The following PACRG variants were observed in gnomAD, a reference collection of about 807,000 sequenced individuals.
PACRG encodes the protein parkin coregulated gene protein.
In PACRG, 29 loss-of-function variants were observed where a neutral mutation model predicts 29.7. That is an observed-to-expected ratio of 0.98 (90% CI 0.73 to 1.33). The LOEUF is 1.33. PACRG is among the 40% of genes most tolerant of loss of function. PACRG has a pLI of 0.00. For synonymous variants in PACRG, 116 were observed against 118.7 expected (o/e 0.98, Z 0.15); for missense variants, 279 against 316.2 (o/e 0.88, Z 0.89).
rs577711932 is a variant in PACRG at position 162,818,752 on chromosome 6, G to A, written c.291+4471G>A. Reference sequence around the variant, plus strand: ...ACAGGTCATCTTTCTCCATGATAACGTGCTACGTGACAGAATATGACATGC... The same window carrying A: ...ACAGGTCATCTTTCTCCATGATAACATGCTACGTGACAGAATATGACATGC... On this transcript the variant is annotated intron_variant, in intron 2 of 4. Coordinates refer to ENST00000366888, the MANE Select transcript of PACRG (RefSeq NM_001080379.2). 2.0e-5 allele frequency among the ~76,000 whole-genome samples: 3 copies of A among 152,184 alleles called. No individual in the cohort carries two copies. The East Asian group carries it at 5.8e-4, about 29-fold the overall frequency.
chr6:162,885,491 G>A (rs369870139), intron 2 of PACRG, among the ~76,000 whole-genome samples: 1 of 149,898 alleles, frequency 6.7e-6, no homozygotes. Flanking sequence ...TGTTGATCTC[G>A]AACTCCTGAC....
chr6:162,842,121 G>A (rs1294064276), intron 2 of PACRG, among the ~76,000 whole-genome samples: 1 of 150,286 alleles, frequency 6.7e-6, no homozygotes, highest in East Asian at 2.0e-4. Context: ...TCCGCTTGGT[G>A]CAGAGCTGAG....
At chr6:163,113,323 T>C (rs1815812601) in intron 4 of PACRG, among the ~76,000 whole-genome samples, 1 of 152,206 alleles carries the variant, frequency 6.6e-6, no homozygotes, top group South Asian at 2.1e-4. Context: ...GAGAAAGCGG[T>C]AGAGAAGTTA....
Position 162,814,256 on chromosome 6 carries a change from C to A in PACRG, c.266C>A (p.Ser89Ter), listed in dbSNP as rs538821670. 1.6e-5 allele frequency: 26 copies of A among 1,613,430 alleles called. No homozygotes were observed. Among genetic ancestry groups the A allele is most frequent in the Non-Finnish European group, 2.1e-5 (25 of 1,179,706 alleles). ...GDFPIALEHDSKGNKIAWKVE... is the reference protein window; with the variant it reads ...GDFPIALEHD ...TTCCCAATTGCCCTTGAGCATGATT[C>A]GAAAGGAAACAAAATCGCCTGGAAG... Residue 89 changes from serine (S) to a stop codon, truncating the protein, a stop_gained, in exon 2 of 5, where the codon TCG (serine) becomes TAG (stop). Transcript: ENST00000366888. LOFTEE classifies it high-confidence loss of function.
At chr6:163,153,933 G>A (rs1475078078) in intron 4 of PACRG, among the ~76,000 whole-genome samples, 1 of 152,222 alleles carries the variant, frequency 6.6e-6, no homozygotes, top group Non-Finnish European at 1.5e-5. Flanking sequence ...GAAGAAAGCA[G>A]TGATTCCCAG....
In PACRG at chr6:163,045,452, G is replaced by A. The variant is rs1809237080; in HGVS notation, c.292-16698G>A. Among the ~76,000 whole-genome samples, 3 of 151,950 alleles carry A rather than the reference G, an allele frequency of 2.0e-5. No individual in the cohort carries two copies. The South Asian group carries it at 6.2e-4, about 31-fold the overall frequency. The stretch of plus-strand genomic sequence containing the variant: ...CCATTCTTCTGCCTCAGGCTCCCAA[G>A]TAGCTGGGATTACAGGCGCCCGTCA... On this transcript the variant is annotated intron_variant, in intron 2 of 4. Coordinates refer to ENST00000366888, the MANE Select transcript of PACRG (RefSeq NM_001080379.2).
chr6:163,211,810 G>A (rs1781154088), intron 4 of PACRG, among the ~76,000 whole-genome samples: 1 of 152,208 alleles, frequency 6.6e-6, no homozygotes, highest in Non-Finnish European at 1.5e-5. Flanking sequence ...ATGAGGGTAT[G>A]AGGGGAGGGT....
At chr6:163,257,446 C>A (rs549278888) in intron 4 of PACRG, among the ~76,000 whole-genome samples, 1 of 152,248 alleles carries the variant, frequency 6.6e-6, no homozygotes, top group African/African-American at 2.4e-5. Context: ...AGACTAATTA[C>A]GTAAGACACA....
chr6:163,008,498 G>A (rs1398813593), intron 2 of PACRG, among the ~76,000 whole-genome samples: 1 of 151,614 alleles, frequency 6.6e-6, no homozygotes, highest in African/African-American at 2.4e-5. Flanking sequence ...CCTCTCAGTA[G>A]GAGATCCCTT....
At chr6:163,113,141 G>A (rs1463953094) in intron 4 of PACRG, among the ~76,000 whole-genome samples, 2 of 152,172 alleles carry the variant, frequency 1.3e-5, no homozygotes, top group Non-Finnish European at 2.9e-5. Flanking sequence ...GCATGTTAGA[G>A]TGGACAGAAA....
In PACRG at chr6:163,162,349, G is replaced by A. The variant is rs186532869; in HGVS notation, c.613+72941G>A. The stretch of plus-strand genomic sequence containing the variant: ...CCTTGGTTCTCAATCCTGGCTGCAC[G>A]TTGAAATCACGCGGGACGTTTTAAA... On this transcript the variant is annotated intron_variant, in intron 4 of 4. Transcript: ENST00000366888. 2.0e-5 allele frequency among the ~76,000 whole-genome samples: 3 copies of A among 152,336 alleles called. No homozygotes were observed. The East Asian group carries it at 5.8e-4, about 29-fold the overall frequency.
intron 1 of PACRG, among the ~76,000 whole-genome samples, chr6:162,740,415 A>G (rs1780489610): frequency 6.6e-6 from 1 of 150,708 alleles, no homozygotes; most frequent in Non-Finnish European, 1.5e-5. Flanking sequence ...GGTTCACGCC[A>G]TTATCCTGCC....
At chr6:162,731,435 G>C (rs1779759840) in intron 1 of PACRG, among the ~76,000 whole-genome samples, 1 of 151,888 alleles carries the variant, frequency 6.6e-6, no homozygotes, top group African/African-American at 2.4e-5. Flanking sequence ...ATAGAGCATA[G>C]CAACTATTTA....
chr6:163,211,803 A>G (rs772579712), intron 4 of PACRG, among the ~76,000 whole-genome samples: 2 of 152,140 alleles, frequency 1.3e-5, no homozygotes, highest in Non-Finnish European at 2.9e-5. Context: ...ACAGGTCATG[A>G]GGGTATGAGG....
intron 4 of PACRG, among the ~76,000 whole-genome samples, chr6:163,271,125 C>G (rs1783809220): frequency 2.0e-5 from 3 of 152,090 alleles, no homozygotes. Flanking sequence ...AACTTGGAGT[C>G]TGATGTTCTA....
chr6:163,096,906 C>G (rs1814644052), intron 4 of PACRG, among the ~76,000 whole-genome samples: 1 of 152,188 alleles, frequency 6.6e-6, no homozygotes, highest in South Asian at 2.1e-4. Flanking sequence ...CAATACCTTT[C>G]CCATATGTCA....
intron 4 of PACRG, among the ~76,000 whole-genome samples, chr6:163,240,141 C>T (rs13211538): frequency 0.16 from 24,432 of 152,050 alleles, 2,270 homozygotes; most frequent in South Asian, 0.32. Context: ...CAGAGCTCTG[C>T]TTCCGAGACG....
intron 2 of PACRG, among the ~76,000 whole-genome samples, chr6:163,019,550 G>A (rs1435277833): frequency 2.0e-5 from 3 of 151,564 alleles, no homozygotes; most frequent in East Asian, 1.9e-4. Flanking sequence ...GAACTGGAGC[G>A]TGCACAACCT....
intron 4 of PACRG, among the ~76,000 whole-genome samples, chr6:163,094,566 A>G (rs953515355): frequency 3.9e-5 from 6 of 152,142 alleles, no homozygotes; most frequent in Non-Finnish European, 5.9e-5. Context: ...CCAATTTACC[A>G]AACTAATCAA....
Sources: gnomAD v4.1 joint callset for allele counts (sites outside exome capture counted in the v4.1 genomes callset) on GRCh38, gnomAD v4.1.1 for gene constraint, MANE v1.5 for transcripts, NCBI Gene and HGNC (gene_info 2026-07-23, HGNC 2026-07-21) for gene names.